The following ESS2 variants were observed in gnomAD, a reference collection of about 807,000 sequenced individuals.
The protein encoded by ESS2 is splicing factor ESS-2 homolog.
ESS2 carries 31 observed loss-of-function variants against 52.0 expected under a neutral mutation model. That is an observed-to-expected ratio of 0.60 (90% CI 0.45 to 0.81). The LOEUF (loss-of-function observed/expected upper bound fraction) is 0.81, where lower values mean the gene tolerates loss of function less well. Ranked by LOEUF, ESS2 falls within the 30% of genes least tolerant of loss-of-function variation. The pLI, the probability that ESS2 is intolerant of heterozygous loss-of-function variation, is 0.00. For synonymous variants in ESS2, 285 were observed against 259.2 expected (o/e 1.10, Z -0.95); for missense variants, 602 against 637.2 (o/e 0.94, Z 0.59).
At position 19,131,672 on chromosome 22, in the gene ESS2, G is replaced by A. The variant is rs369014285; in HGVS notation, c.*2524C>T. ...ACGGACGGATCTACATCATCATGGA[G>A]CTTGGCGTCCAGGGCGACCTCCTCG... On this transcript the variant is annotated 3_prime_UTR_variant, in exon 10 of 10. Coordinates refer to ENST00000252137, the MANE Select transcript of ESS2 (RefSeq NM_022719.3). The surrounding 1 kb of genome is among the most constrained non-coding windows in gnomAD (Gnocchi z 5.7). 4 of 1,614,118 alleles carry A rather than the reference G, an allele frequency of 2.5e-6. No individual in the cohort carries two copies. In the East Asian group the frequency reaches 8.9e-5, roughly 36 times the overall value.
chr22:19,143,680 A>C (rs1013445572), intron 1 of ESS2, among the ~76,000 whole-genome samples: 11 of 152,054 alleles, frequency 7.2e-5, no homozygotes, highest in African/African-American at 2.7e-4. Flanking sequence ...ACATGGTGAA[A>C]CCCCACCACT....
intron 6 of ESS2, among the ~76,000 whole-genome samples, chr22:19,138,642 G>A (rs2083628267): frequency 6.6e-6 from 1 of 152,152 alleles, no homozygotes; most frequent in African/African-American, 2.4e-5. Flanking sequence ...AGGGGGCAAT[G>A]CTGATGACAG....
rs752034286 is a variant in ESS2 at position 19,131,353 on chromosome 22, A to C, written c.*2843T>G. ...ATGAGGACAATGCCTGCTGGCCCAC[A>C]TGACGGGGGGATGTAGACGGCAGCG... is the stretch of plus-strand genomic sequence containing the variant. On this transcript the variant is annotated 3_prime_UTR_variant, in exon 10 of 10. Transcript: ENST00000252137. This position sits in a 1 kb window ranked among gnomAD's most constrained non-coding sequence, Gnocchi z 5.7. 2.0e-5 allele frequency: 30 copies of C among 1,509,676 alleles called. No homozygotes were observed. The highest frequency in any genetic ancestry group is 2.7e-5 in the Non-Finnish European group (30 of 1,113,222). The allele number at this position is 1,509,676 out of a possible 1,614,324, so 93.5% of individuals were successfully genotyped here.
At position 19,139,690 on chromosome 22, in the gene ESS2, G is replaced by A. The variant is rs747673537; in HGVS notation, c.610C>T (p.Gln204Ter). 1 of 1,614,204 alleles carries A rather than the reference G, an allele frequency of 6.2e-7. No homozygotes were observed. The highest frequency in any genetic ancestry group is 1.1e-5 in the South Asian group (1 of 91,086). ...DNLELPSAEH[Q>*]AIESSQASVE... ...CTGGCCTGGCTGCTCTCGATGGCCTGGTGCTCTGCTGACGGGAGTTCGAGA... is the reference window on the plus strand; with the variant it reads ...CTGGCCTGGCTGCTCTCGATGGCCTAGTGCTCTGCTGACGGGAGTTCGAGA... Residue 204 changes from glutamine (Q) to a stop codon, truncating the protein, a stop_gained, in exon 5 of 10, where the codon CAG (glutamine) becomes TAG (stop). Coordinates refer to ENST00000252137, the MANE Select transcript of ESS2 (RefSeq NM_022719.3). LOFTEE classifies it high-confidence loss of function.
intron 1 of ESS2, chr22:19,144,268 C>T (rs1321581068): frequency 1.6e-6 from 2 of 1,285,906 alleles, no homozygotes; most frequent in Non-Finnish European, 2.0e-6. Flanking sequence ...TCTTCTTTCC[C>T]TGACCCCCGT....
At chr22:19,138,424 G>A in intron 6 of ESS2, 107 bp from the exon 7 acceptor site, 1 of 1,061,748 alleles carries the variant, frequency 9.4e-7, no homozygotes, top group Non-Finnish European at 1.4e-6. Context: ...CTCTCCTCAG[G>A]GCAAGGCTGG....
intron 3 of ESS2, 73 bp downstream of exon 3, chr22:19,142,465 C>A: frequency 7.2e-7 from 1 of 1,386,562 alleles, no homozygotes; most frequent in South Asian, 1.4e-5. Context: ...CTGGACCACC[C>A]CCTCAGGGCC....
At chr22:19,135,260 TGCCA>T (rs1316828026) in intron 8 of ESS2, 85 bp from the exon 9 acceptor site, 9 of 1,074,068 alleles carry the variant, frequency 8.4e-6, no homozygotes, top group Admixed American at 4.3e-5. Flanking sequence ...CTGTGGTGGG[TGCCA>T]GCCTCTCTTT....
At chr22:19,141,913 C>T (rs533757939) in intron 3 of ESS2, among the ~76,000 whole-genome samples, 3 of 152,272 alleles carry the variant, frequency 2.0e-5, no homozygotes, top group Admixed American at 2.0e-4. Flanking sequence ...TTGCTTGAAC[C>T]TGGGAGGTGG....
intron 9 of ESS2, 85 bp from the exon 10 acceptor site, chr22:19,134,560 A>G (rs2083548412): frequency 3.6e-5 from 49 of 1,364,000 alleles, no homozygotes; most frequent in Non-Finnish European, 4.6e-5. Flanking sequence ...TCCCAGGAAG[A>G]GCCTGGGCAG....
chr22:19,131,287 C>T lies in ESS2; in HGVS notation c.*2909G>A. The T allele has an allele frequency of 4.3e-6, 4 of 930,522 alleles. No homozygotes were observed. The South Asian group carries it at 6.6e-5, about 15-fold the overall frequency. 57.6% of individuals were successfully genotyped at this position (930,522 alleles called of 1,614,324 possible). A position where few individuals can be genotyped will look rare whatever the true frequency, so the allele number is the denominator to read the frequency against. ...GAGTGTTCCACCCCTGAGTCGAAGC[C>T]CAGCCCAGGGCAGCCCAGCCAGACG... On this transcript the variant is annotated 3_prime_UTR_variant, in exon 10 of 10. Coordinates refer to ENST00000252137, the MANE Select transcript of ESS2 (RefSeq NM_022719.3). This position sits in a 1 kb window ranked among gnomAD's most constrained non-coding sequence, Gnocchi z 5.7.
intron 5 of ESS2, 118 bp downstream of exon 5, chr22:19,139,494 G>C: frequency 7.9e-7 from 1 of 1,264,398 alleles, no homozygotes; most frequent in Non-Finnish European, 1.1e-6. Context: ...GTACCCATCA[G>C]AAGCCCAAAC....
chr22:19,144,477 A>C (rs760472076), intron 1 of ESS2, 29 bp downstream of exon 1: 1 of 1,611,382 alleles, frequency 6.2e-7, no homozygotes. Context: ...TGGGCCCAGA[A>C]GTCGCCGGCG....
intron 1 of ESS2, chr22:19,144,039 G>A: frequency 4.0e-6 from 4 of 996,042 alleles, no homozygotes; most frequent in Non-Finnish European, 4.8e-6. Flanking sequence ...AATTAAACAG[G>A]TCTAAAACCA....
chr22:19,132,154 T>A lies in ESS2; in HGVS notation c.*2042A>T, dbSNP rs1569103042. ...GAGTGCAAGGACCTCATCTACCGCATGCTGCAGCCCGACGTCAGCCAGCGG... is the reference window on the plus strand; with the variant it reads ...GAGTGCAAGGACCTCATCTACCGCAAGCTGCAGCCCGACGTCAGCCAGCGG... On this transcript the variant is annotated 3_prime_UTR_variant, in exon 10 of 10. Coordinates refer to ENST00000252137, the MANE Select transcript of ESS2 (RefSeq NM_022719.3). The surrounding 1 kb of genome is among the most constrained non-coding windows in gnomAD (Gnocchi z 4.2). The A allele has an allele frequency of 6.2e-7, 1 of 1,613,372 alleles. No homozygotes were observed. Among genetic ancestry groups the A allele is most frequent in the East Asian group, 2.2e-5 (1 of 44,850 alleles).
intron 7 of ESS2, 98 bp downstream of exon 7, chr22:19,138,117 C>T: frequency 6.4e-7 from 1 of 1,573,166 alleles, no homozygotes; most frequent in Non-Finnish European, 8.6e-7. Context: ...GTGGGGCAGG[C>T]CAGGTAGAGG....
intron 9 of ESS2, 143 bp from the exon 10 acceptor site, chr22:19,134,618 G>A (rs962403278): frequency 1.1e-5 from 10 of 876,648 alleles, no homozygotes; most frequent in Non-Finnish European, 1.6e-5. Context: ...CAGCATGGCA[G>A]CAAATGCGGG....
chr22:19,138,092 T>C (rs1254117671), intron 7 of ESS2, 123 bp downstream of exon 7: 9 of 1,518,014 alleles, frequency 5.9e-6, no homozygotes, highest in Non-Finnish European at 7.9e-6. Context: ...ACCAGGTCCC[T>C]GAGTTACACA....
rs1283493261 is a variant in ESS2 at position 19,139,149 on chromosome 22, G to A, written c.822+10C>T. 10 of 1,581,266 alleles carry A rather than the reference G, an allele frequency of 6.3e-6. No individual in the cohort carries two copies. In the South Asian group the frequency reaches 9.2e-5, roughly 14 times the overall value. ...CTGGCCCATGCGGCCCTGCTGACCCGCCTGCTCACCTGGGCATTGAGGGCG... is the reference window on the plus strand; with the variant it reads ...CTGGCCCATGCGGCCCTGCTGACCCACCTGCTCACCTGGGCATTGAGGGCG... On this transcript the variant is annotated intron_variant, in intron 6 of 9. Transcript: ENST00000252137.
Sources: allele counts gnomAD v4.1 joint callset (sites outside exome capture counted in the v4.1 genomes callset), GRCh38; gene constraint gnomAD v4.1.1; non-coding constraint Gnocchi (gnomAD v3.1); transcripts MANE v1.5; gene names NCBI Gene and HGNC (gene_info 2026-07-23, HGNC 2026-07-21).